The following RBBP6 variants were observed in gnomAD, a reference collection of about 807,000 sequenced individuals.
The protein encoded by RBBP6 is RB binding protein 6, ubiquitin ligase, also known as E3 ubiquitin-protein ligase RBBP6.
Under a neutral mutation model 167.7 loss-of-function variants are expected in RBBP6, and 25 were observed. That is an observed-to-expected ratio of 0.15 (90% CI 0.11 to 0.21). The LOEUF is 0.21. Among genes scored for constraint, RBBP6 ranks in the 10% least tolerant of loss-of-function variants. The pLI, the probability that RBBP6 is intolerant of heterozygous loss-of-function variation, is 1.00. For missense variants in RBBP6, 1,868 were observed against 2,134.2 expected (o/e 0.88, Z 2.46); for synonymous variants, 789 against 735.8 (o/e 1.07, Z -1.17).
chr16:24,544,237 T>A (rs912041264), intron 1 of RBBP6, among the ~76,000 whole-genome samples: 2 of 152,174 alleles, frequency 1.3e-5, no homozygotes, highest in Non-Finnish European at 2.9e-5. Flanking sequence ...AATTAACTTT[T>A]AAAAAAATCT....
rs576728675 is a variant in RBBP6, at chr16:24,540,417, C to A, written c.-210C>A. 3 of 464,282 alleles carry A rather than the reference C, an allele frequency of 6.5e-6. No homozygotes were observed. Among genetic ancestry groups the A allele is most frequent in the Non-Finnish European group, 1.1e-5 (3 of 261,702 alleles). 28.8% of individuals were successfully genotyped at this position (464,282 alleles called of 1,614,324 possible). On this transcript the variant is annotated 5_prime_UTR_variant, in exon 1 of 18. Coordinates refer to ENST00000319715, the MANE Select transcript of RBBP6 (RefSeq NM_006910.5). ...CCCCGTCCTCGTCCTCCTCCTCCCC[C>A]ATGAAGTGATTCTGAGTATCGGGGG... is the stretch of plus-strand genomic sequence containing the variant.
intron 2 of RBBP6, 133 bp downstream of exon 2, chr16:24,546,395 G>A: frequency 9.1e-7 from 1 of 1,101,580 alleles, no homozygotes; most frequent in Non-Finnish European, 1.2e-6. Context: ...AGACTGTGAG[G>A]ATAGTAGGTT....
Position 24,571,886 on chromosome 16 carries a change from T to C in RBBP6, c.4820T>C (p.Ile1607Thr), listed in dbSNP as rs111978372. The C allele has an allele frequency of 2.5e-6, 4 of 1,613,954 alleles. No homozygotes were observed. The highest frequency in any genetic ancestry group is 1.1e-5 in the South Asian group (1 of 91,072). Residue 1607 changes from isoleucine (I) to threonine (T), a missense_variant, in exon 18 of 18, where the codon ATT (isoleucine) becomes ACT (threonine). Around this residue, in one of 7 missense-constraint regions of RBBP6, gnomAD observed 591 missense variants for 540.5 expected, o/e 1.09. Coordinates refer to ENST00000319715, the MANE Select transcript of RBBP6 (RefSeq NM_006910.5). ...QVEKEQITGQ[I>T]DKSTVKPKPQ... ...GAAAAAGAGCAAATTACTGGGCAAA[T>C]TGACAAGAGTACTGTCAAGCCTAAA...
intron 2 of RBBP6, 29 bp from the exon 3 acceptor site, chr16:24,548,910 CTAATGT>C: frequency 6.6e-7 from 1 of 1,524,180 alleles, no homozygotes; most frequent in South Asian, 1.2e-5. Context: ...TCATAAATAG[CTAATGT>C]TAATTTTTGT....
At chr16:24,557,250 G>C (rs1898935501) in intron 7 of RBBP6, among the ~76,000 whole-genome samples, 2 of 152,000 alleles carry the variant, frequency 1.3e-5, no homozygotes, top group Admixed American at 1.3e-4. Context: ...TCAAAGTGCT[G>C]GGATTACAGG....
Position 24,556,389 on chromosome 16 carries a change from A to G in RBBP6, c.616A>G (p.Asn206Asp). Residue 206 changes from asparagine to aspartate, a missense_variant, in exon 7 of 18, where the codon AAT becomes GAT. Physicochemically the swap from Asn to Asp is conservative, Grantham distance 23. This residue lies in a region of RBBP6 where 184 missense variants were observed against 327.7 expected (regional missense o/e 0.56). Transcript: ENST00000319715. ...TTTCATGATGGAAGTGAAAGATCCT[A>G]ATATGAAAGGTGCAATGCTTACCAA... ...RSFMMEVKDP[N>D]MKGAMLTNTG... is the part of the protein sequence containing the mutation. 6.2e-7 allele frequency: 1 copy of G among 1,605,230 alleles called. No individual in the cohort carries two copies. Among genetic ancestry groups the G allele is most frequent in the Non-Finnish European group, 8.5e-7 (1 of 1,172,028 alleles).
intron 7 of RBBP6, among the ~76,000 whole-genome samples, chr16:24,559,032 A>G (rs773690227): frequency 5.3e-5 from 8 of 152,118 alleles, no homozygotes; most frequent in Non-Finnish European, 1.0e-4. Context: ...TTACTCCAAT[A>G]CCTTCACAGG....
chr16:24,548,914 TG>T, intron 2 of RBBP6, 30 bp from the exon 3 acceptor site: 2 of 1,546,682 alleles, frequency 1.3e-6, no homozygotes, highest in Non-Finnish European at 1.8e-6. Context: ...AAATAGCTAA[TG>T]TTAATTTTTG....
chr16:24,566,317 A>G (rs1899193629), intron 14 of RBBP6, among the ~76,000 whole-genome samples: 1 of 152,166 alleles, frequency 6.6e-6, no homozygotes, highest in Non-Finnish European at 1.5e-5. Context: ...CAACACTGTT[A>G]TTTTTACTTA....
In RBBP6 at chr16:24,571,332, C is replaced by T. The variant is rs1899325172; in HGVS notation, c.4266C>T (p.Ser1422=). 6.2e-7 allele frequency: 1 copy of T among 1,614,122 alleles called. No homozygotes were observed. The highest frequency in any genetic ancestry group is 2.2e-5 in the East Asian group (1 of 44,868). Residue 1422 remains serine, a synonymous_variant, in exon 18 of 18, where the codon AGC becomes AGT. Transcript: ENST00000319715. ...AGAACCCTGAAAAGAGGAAGAACAG[C>T]ACTCAGCCAGAGAAAGAGAGTAATT... The part of the protein sequence containing the change: ...EKENPEKRKN[S]TQPEKESNLD...
intron 10 of RBBP6, among the ~76,000 whole-genome samples, chr16:24,562,821 C>A (rs1273881901): frequency 6.6e-6 from 1 of 152,086 alleles, no homozygotes; most frequent in Admixed American, 6.6e-5. Context: ...TGGAAATAGG[C>A]CCAGAGAGTT....
At chr16:24,548,301 T>A (rs1437509326) in intron 2 of RBBP6, among the ~76,000 whole-genome samples, 1 of 146,196 alleles carries the variant, frequency 6.8e-6, no homozygotes, top group Non-Finnish European at 1.5e-5. Flanking sequence ...TTTCTGGGAG[T>A]GAGAATTTTT....
Position 24,562,026 on chromosome 16 carries a change from C to T in RBBP6, c.1154C>T (p.Ser385Phe). Residue 385 changes from serine to phenylalanine, a missense_variant, in exon 10 of 18, where the codon TCT becomes TTT. By Grantham distance (155) the Ser-to-Phe change is radical. Around this residue, in one of 7 missense-constraint regions of RBBP6, gnomAD observed 245 missense variants for 240.1 expected, o/e 1.02. Coordinates refer to ENST00000319715, the MANE Select transcript of RBBP6 (RefSeq NM_006910.5). ...TCAACTCACCCAGCTCCGTCTATAT[C>T]TTCATTAACTTCTAATCAGTCTTCC... The part of the protein sequence containing the change: ...SSSTHPAPSI[S>F]SLTSNQSSLA... 2 of 1,613,004 alleles carry T rather than the reference C, an allele frequency of 1.2e-6. No homozygotes were observed. The highest frequency in any genetic ancestry group is 2.2e-5 in the East Asian group (1 of 44,874).
rs1348214014 is a variant in RBBP6 at position 24,568,888 on chromosome 16, A to G, written c.2198A>G (p.Tyr733Cys). 3.1e-6 allele frequency: 5 copies of G among 1,614,160 alleles called. No homozygotes were observed. Among genetic ancestry groups the G allele is most frequent in the Non-Finnish European group, 4.2e-6 (5 of 1,180,022 alleles). The change falls in exon 17 of 18, where the codon TAC (tyrosine) becomes TGC (cysteine). Residue 733 changes from tyrosine (Y) to cysteine (C), a missense_variant. Tyr to Cys is a radical substitution (Grantham distance 194). Transcript: ENST00000319715. The stretch of plus-strand genomic sequence containing the variant: ...CGTTCCTATTCACGGTCACCTCCAT[A>G]CCCCAGAAGAGGCAGAGGCAAGAGC... Reference protein sequence around the residue: ...HSRSYSRSPPYPRRGRGKSRN... With the variant: ...HSRSYSRSPPCPRRGRGKSRN...
intron 7 of RBBP6, among the ~76,000 whole-genome samples, chr16:24,557,445 T>C (rs1438399671): frequency 6.6e-6 from 1 of 152,204 alleles, no homozygotes; most frequent in African/African-American, 2.4e-5. Flanking sequence ...CTTCAACAGT[T>C]GTGATCTCAC....
At chr16:24,565,437 C>T (rs1329282584) in intron 14 of RBBP6, among the ~76,000 whole-genome samples, 3 of 152,192 alleles carry the variant, frequency 2.0e-5, no homozygotes, top group Admixed American at 2.0e-4. Flanking sequence ...AGTATCCATC[C>T]TTGGCCTGTT....
intron 1 of RBBP6, among the ~76,000 whole-genome samples, chr16:24,544,583 A>G (rs1341287424): frequency 6.6e-6 from 1 of 152,230 alleles, no homozygotes. Context: ...TAAGTGAAGC[A>G]AGTAAACTTA....
rs777492598 is a variant in RBBP6 at position 24,571,603 on chromosome 16, A to G, written c.4537A>G (p.Asn1513Asp). The G allele has an allele frequency of 6.2e-7, 1 of 1,611,088 alleles. No individual in the cohort carries two copies. The highest frequency in any genetic ancestry group is 1.1e-5 in the South Asian group (1 of 90,124). ...RNKDSASGQK[N>D]KPREERDLPK... Reference sequence around the variant, plus strand: ...TAAAGATTCTGCATCTGGACAGAAAAATAAACCAAGGGAAGAGAGAGATTT... The same window carrying G: ...TAAAGATTCTGCATCTGGACAGAAAGATAAACCAAGGGAAGAGAGAGATTT... The change falls in exon 18 of 18, where the codon AAT becomes GAT. Residue 1513 changes from asparagine to aspartate, a missense_variant. By Grantham distance (23) the Asn-to-Asp change is conservative (BLOSUM62 1). Around this residue, in one of 7 missense-constraint regions of RBBP6, gnomAD observed 591 missense variants for 540.5 expected, o/e 1.09. Transcript: ENST00000319715.
Position 24,569,248 on chromosome 16 carries a change from C to T in RBBP6, c.2558C>T (p.Pro853Leu). 6.2e-7 allele frequency: 1 copy of T among 1,612,936 alleles called. No individual in the cohort carries two copies. Among genetic ancestry groups the T allele is most frequent in the Non-Finnish European group, 8.5e-7 (1 of 1,179,750 alleles). The change falls in exon 17 of 18, where the codon CCC becomes CTC. Residue 853 changes from proline to leucine, a missense_variant. Physicochemically the swap from Pro to Leu is moderately conservative, Grantham distance 98 (BLOSUM62 -3). Coordinates refer to ENST00000319715, the MANE Select transcript of RBBP6 (RefSeq NM_006910.5). ...TATGCTGCTGGAGCACAGCCTAGAC[C>T]CTCAGCAAATAGAGAGAACTTTTCT... The part of the protein sequence containing the change: ...KGYAAGAQPR[P>L]SANRENFSPE...
Sources: allele counts gnomAD v4.1 joint callset (sites outside exome capture counted in the v4.1 genomes callset), GRCh38; gene constraint gnomAD v4.1.1; regional missense constraint gnomAD v4.1.1; transcripts MANE v1.5; gene names NCBI Gene and HGNC (gene_info 2026-07-23, HGNC 2026-07-21).